Variants in ENAM observed in about 807,000 individuals in gnomAD.
The protein encoded by ENAM is amelogenesis imperfecta 2, hypocalcification (autosomal dominant).
Under a neutral mutation model 33.6 loss-of-function variants are expected in ENAM, and 21 were observed. The observed-to-expected ratio is 0.63, with a 90% confidence interval of 0.44 to 0.90. The LOEUF (loss-of-function observed/expected upper bound fraction) is 0.90, where lower values mean the gene tolerates loss of function less well. Among genes scored for constraint, ENAM ranks in the 40% least tolerant of loss-of-function variants. The pLI is 0.00. For missense variants in ENAM, 1,388 were observed against 1,366.9 expected, an observed-to-expected ratio of 1.02 and a Z score of -0.24; for synonymous variants, 473 against 468.4, an observed-to-expected ratio of 1.01 and a Z score of -0.13.
Position 70,644,340 on chromosome 4 carries a change from T to C in ENAM, c.2914T>C (p.Phe972Leu). 1.9e-6 allele frequency: 3 copies of C among 1,614,226 alleles called. No individual in the cohort carries two copies. Among genetic ancestry groups the C allele is most frequent in the African/African-American group, 1.3e-5 (1 of 75,070 alleles). ...ACTGGGCCAAAAGGAAATTATGCCC[T>C]TTCCTGAAGCCAGTTCCCTTCAATC... ...NQLGQKEIMPFPEASSLQSKN... is the reference protein window; with the variant it reads ...NQLGQKEIMPLPEASSLQSKN... Residue 972 changes from phenylalanine (F) to leucine (L), a missense_variant, in exon 9 of 9, where the codon TTT becomes CTT. Transcript: ENST00000396073.
rs758746093 is a variant in ENAM at position 70,643,938 on chromosome 4, A to T, written c.2512A>T (p.Met838Leu). The change falls in exon 9 of 9, where the codon ATG becomes TTG. Residue 838 changes from methionine (M) to leucine (L), a missense_variant. Coordinates refer to ENST00000396073, the MANE Select transcript of ENAM (RefSeq NM_031889.3). Reference sequence around the variant, plus strand: ...GAACTATGGCATGCAAATAACTAGGATGAATTCTCCAGAGAGAGAACATTC... The same window carrying T: ...GAACTATGGCATGCAAATAACTAGGTTGAATTCTCCAGAGAGAGAACATTC... Reference protein sequence around the residue: ...NLNYGMQITRMNSPEREHSSF... With the variant: ...NLNYGMQITRLNSPEREHSSF... 3 of 1,614,182 alleles carry T rather than the reference A, an allele frequency of 1.9e-6. No individual in the cohort carries two copies. The highest frequency in any genetic ancestry group is 2.5e-6 in the Non-Finnish European group (3 of 1,180,010).
rs141880419 is a variant in ENAM, at chr4:70,644,455, G to T, written c.3029G>T (p.Arg1010Ile). The T allele has an allele frequency of 9.3e-6, 15 of 1,614,130 alleles. No individual in the cohort carries two copies. Among genetic ancestry groups the T allele is most frequent in the Non-Finnish European group, 1.2e-5 (14 of 1,180,020 alleles). ...TTTGAAGACAACCAGCTCAATGAAA[G>T]AACTGTTGACCTTACTCCTGAGCAG... ...QVFEDNQLNE[R>I]TVDLTPEQLV... The change falls in exon 9 of 9, where the codon AGA (arginine) becomes ATA (isoleucine). Residue 1010 changes from arginine to isoleucine, a missense_variant. Physicochemically the swap from Arg to Ile is moderately conservative, Grantham distance 97. Transcript: ENST00000396073.
In ENAM at chr4:70,643,988, A is replaced by G. The variant is rs373650786; in HGVS notation, c.2562A>G (p.Pro854=). ...CATCTTTCCCTAACTTCATCCCACC[A>G]AGTTACCCATCAGGTCAAAAAGAAG... ...EHSSFPNFIP[P]SYPSGQKEAH... is the part of the protein sequence containing the mutation. Residue 854 remains proline (P), a synonymous_variant, in exon 9 of 9, where the codon CCA becomes CCG. Transcript: ENST00000396073. 52 of 1,614,036 alleles carry G rather than the reference A, an allele frequency of 3.2e-5. No individual in the cohort carries two copies. In the African/African-American group the frequency reaches 6.4e-4, roughly 20 times the overall value.
rs774335354 is a variant in ENAM at position 70,643,073 on chromosome 4, T to C, written c.1647T>C (p.Pro549=). The change falls in exon 9 of 9, where the codon CCT becomes CCC. Residue 549 remains proline, a synonymous_variant. Coordinates refer to ENST00000396073, the MANE Select transcript of ENAM (RefSeq NM_031889.3). ...GCTCATATCAGCCTGCTGTATACCC[T>C]GAGGAAATCCCTTCTCCTGCAAAAG... ...KHSSYQPAVY[P]EEIPSPAKEH... The C allele has an allele frequency of 6.2e-7, 1 of 1,614,034 alleles. No homozygotes were observed. The highest frequency in any genetic ancestry group is 8.5e-7 in the Non-Finnish European group (1 of 1,179,970).
chr4:70,635,549 T>A (rs1738429412), intron 6 of ENAM, among the ~76,000 whole-genome samples: 1 of 152,172 alleles, frequency 6.6e-6, no homozygotes, highest in Non-Finnish European at 1.5e-5. Flanking sequence ...TCTCTGAACT[T>A]CATGGTCTTA....
In ENAM at chr4:70,644,221, A is replaced by C. The variant is rs1738694990; in HGVS notation, c.2795A>C (p.Gln932Pro). The C allele has an allele frequency of 1.2e-6, 2 of 1,614,210 alleles. No homozygotes were observed. The highest frequency in any genetic ancestry group is 1.7e-6 in the Non-Finnish European group (2 of 1,180,022). The change falls in exon 9 of 9, where the codon CAA (glutamine) becomes CCA (proline). Residue 932 changes from glutamine to proline, a missense_variant. Physicochemically the swap from Gln to Pro is moderately conservative, Grantham distance 76. Transcript: ENST00000396073. The part of the protein sequence containing the change: ...IISPTSILPG[Q>P]RNSSEKRESQ... The stretch of plus-strand genomic sequence containing the variant: ...TCCCCAACAAGCATCCTACCAGGCC[A>C]AAGAAACAGCTCAGAGAAGAGGGAA...
At chr4:70,629,402 C>T in intron 1 of ENAM, 39 bp from the exon 2 acceptor site, 3 of 888,592 alleles carry the variant, frequency 3.4e-6, no homozygotes, top group Non-Finnish European at 5.8e-6. Flanking sequence ...TGAAGCTTTG[C>T]TATTCATTTC....
chr4:70,644,969 C>G lies in ENAM; in HGVS notation c.*114C>G. ...TAAGTGTCTGACTGTCTTGGTGATCCTTAAGTTTTCTCCCCTCTCAGCAAT... is the reference window on the plus strand; with the variant it reads ...TAAGTGTCTGACTGTCTTGGTGATCGTTAAGTTTTCTCCCCTCTCAGCAAT... On this transcript the variant is annotated 3_prime_UTR_variant, in exon 9 of 9. Coordinates refer to ENST00000396073, the MANE Select transcript of ENAM (RefSeq NM_031889.3). 1 of 875,548 alleles carries G rather than the reference C, an allele frequency of 1.1e-6. No homozygotes were observed. Among genetic ancestry groups the G allele is most frequent in the Non-Finnish European group, 1.9e-6 (1 of 534,916 alleles). The allele number at this position is 875,548 out of a possible 1,614,324, so 54.2% of individuals were successfully genotyped here.
In ENAM at chr4:70,644,460, G is replaced by A. The variant is rs1738702224; in HGVS notation, c.3034G>A (p.Val1012Ile). 6.2e-7 allele frequency: 1 copy of A among 1,613,980 alleles called. No individual in the cohort carries two copies. Among genetic ancestry groups the A allele is most frequent in the Admixed American group, 1.7e-5 (1 of 59,988 alleles). Residue 1012 changes from valine (V) to isoleucine (I), a missense_variant, in exon 9 of 9, where the codon GTT becomes ATT. Transcript: ENST00000396073. ...AGACAACCAGCTCAATGAAAGAACTGTTGACCTTACTCCTGAGCAGCTTGT... is the reference window on the plus strand; with the variant it reads ...AGACAACCAGCTCAATGAAAGAACTATTGACCTTACTCCTGAGCAGCTTGT... ...FEDNQLNERT[V>I]DLTPEQLVIG... is the part of the protein sequence containing the mutation.
intron 4 of ENAM, among the ~76,000 whole-genome samples, chr4:70,632,354 CA>C (rs943154557): frequency 2.6e-5 from 4 of 152,168 alleles, no homozygotes; most frequent in African/African-American, 9.6e-5. Context: ...ACAGAACATT[CA>C]AAAACTTTAC....
intron 8 of ENAM, among the ~76,000 whole-genome samples, chr4:70,638,347 C>T (rs974253236): frequency 6.6e-6 from 1 of 151,948 alleles, no homozygotes; most frequent in African/African-American, 2.4e-5. Context: ...GCATAGCACC[C>T]CACCCCCCTG....
Position 70,635,874 on chromosome 4 carries a change from C to A in ENAM, c.514C>A (p.Pro172Thr). Reference sequence around the variant, plus strand: ...AAATGGGCTATTCCCCTATCAACAACCACCATGGCAAATTCCACAGGTGAG... The same window carrying A: ...AAATGGGCTATTCCCCTATCAACAAACACCATGGCAAATTCCACAGGTGAG... ...FGNGLFPYQQ[P>T]PWQIPQRLPP... The change falls in exon 7 of 9, where the codon CCA becomes ACA. Residue 172 changes from proline (P) to threonine (T), a missense_variant. Physicochemically the swap from Pro to Thr is conservative, Grantham distance 38 (BLOSUM62 -1). Transcript: ENST00000396073. 1 of 1,607,136 alleles carries A rather than the reference C, an allele frequency of 6.2e-7. No individual in the cohort carries two copies. Among genetic ancestry groups the A allele is most frequent in the Non-Finnish European group, 8.5e-7 (1 of 1,174,668 alleles).
chr4:70,638,464 T>C (rs1738515483), intron 8 of ENAM, among the ~76,000 whole-genome samples: 1 of 139,940 alleles, frequency 7.1e-6, no homozygotes, highest in African/African-American at 2.8e-5. Context: ...TTTTTTTTTT[T>C]TTTTTTTTTT....
At position 70,644,824 on chromosome 4, in the gene ENAM, A is replaced by G; in HGVS notation, c.3398A>G (p.Gln1133Arg). 2 of 1,614,080 alleles carry G rather than the reference A, an allele frequency of 1.2e-6. No homozygotes were observed. Among genetic ancestry groups the G allele is most frequent in the Non-Finnish European group, 8.5e-7 (1 of 1,179,918 alleles). The change falls in exon 9 of 9, where the codon CAG becomes CGG. Residue 1133 changes from glutamine (Q) to arginine (R), a missense_variant. Gln to Arg is a conservative substitution (Grantham distance 43). Coordinates refer to ENST00000396073, the MANE Select transcript of ENAM (RefSeq NM_031889.3). The part of the protein sequence containing the change: ...FLQRGTNVQD[Q>R]VQDCLLLQA ...CAAAGAGGGACCAATGTACAGGACC[A>G]GGTACAAGACTGCTTACTACTTCAG...
chr4:70,645,904 G>A lies in ENAM; in HGVS notation c.*1049G>A, dbSNP rs796783722. 5 of 152,360 alleles carry A rather than the reference G, an allele frequency of 3.3e-5. 1 individual carries two copies. The highest frequency in any genetic ancestry group is 1.2e-4 in the African/African-American group (5 of 41,586). The allele number at this position is 152,360 out of a possible 1,614,324, so 9.4% of individuals were successfully genotyped here. Reference sequence around the variant, plus strand: ...GCAGCCTAGGGAAAAGGCTTAGGAAGATGGAGAATGAGGAACTGAAGAAAC... The same window carrying A: ...GCAGCCTAGGGAAAAGGCTTAGGAAAATGGAGAATGAGGAACTGAAGAAAC... On this transcript the variant is annotated 3_prime_UTR_variant, in exon 9 of 9. Coordinates refer to ENST00000396073, the MANE Select transcript of ENAM (RefSeq NM_031889.3).
At position 70,631,933 on chromosome 4, in the gene ENAM, C is replaced by T. The variant is rs567870626; in HGVS notation, c.168+40C>T. The T allele has an allele frequency of 2.6e-6, 4 of 1,512,094 alleles. No individual in the cohort carries two copies. In the African/African-American group the frequency reaches 4.1e-5, roughly 16 times the overall value. 93.7% of individuals were successfully genotyped at this position (1,512,094 alleles called of 1,614,324 possible). A position where few individuals can be genotyped will look rare whatever the true frequency, so the allele number is the denominator to read the frequency against. ...TCTCAGAGGAGAAGTTATCCAGAGTCCTATCCTACACATTTACTAAAAAGG... is the reference window on the plus strand; with the variant it reads ...TCTCAGAGGAGAAGTTATCCAGAGTTCTATCCTACACATTTACTAAAAAGG... On this transcript the variant is annotated intron_variant, in intron 4 of 8. Transcript: ENST00000396073.
In ENAM at chr4:70,631,845, C is replaced by T. The variant is rs1173861366; in HGVS notation, c.124-4C>T. On this transcript the variant is annotated splice_region_variant and splice_polypyrimidine_tract_variant and intron_variant, in intron 3 of 8. Coordinates refer to ENST00000396073, the MANE Select transcript of ENAM (RefSeq NM_031889.3). ...ATTTGTCACTGACATTCTCTTACTT[C>T]CAGATGCACATGCCCCGAATGCCTG... The T allele has an allele frequency of 6.2e-7, 1 of 1,613,902 alleles. No homozygotes were observed. The highest frequency in any genetic ancestry group is 1.1e-5 in the South Asian group (1 of 91,082).
At position 70,643,660 on chromosome 4, in the gene ENAM, GC is replaced by G; in HGVS notation, c.2235del (p.Tyr746ThrfsTer84). The G allele has an allele frequency of 6.2e-7, 1 of 1,614,084 alleles. No homozygotes were observed. The highest frequency in any genetic ancestry group is 8.5e-7 in the Non-Finnish European group (1 of 1,179,988). On this transcript the variant is annotated frameshift_variant, in exon 9 of 9. Coordinates refer to ENST00000396073, the MANE Select transcript of ENAM (RefSeq NM_031889.3). LOFTEE classifies it low-confidence loss of function (END_TRUNC). ...ATGCCACCACCTATAGAGAGCAGGGGCTACTACGTTAATAATGCCGCTGGAC... is the reference window on the plus strand; with the variant it reads ...ATGCCACCACCTATAGAGAGCAGGGGTACTACGTTAATAATGCCGCTGGAC... ...STMPPPIESR[G>X]YYVNNAAGPE...
Position 70,629,462 on chromosome 4 carries a change from T to C in ENAM, c.-39T>C. On this transcript the variant is annotated 5_prime_UTR_variant, in exon 2 of 9. Transcript: ENST00000396073. ...TTAGTTTCTTCTCAGGTTAAAGCTG[T>C]ATTTTTCTTAAAGGCTTATAAAAAT... The C allele has an allele frequency of 1.3e-6, 2 of 1,507,032 alleles. No individual in the cohort carries two copies. Among genetic ancestry groups the C allele is most frequent in the East Asian group, 2.3e-5 (1 of 44,318 alleles). The allele number at this position is 1,507,032 out of a possible 1,614,324, so 93.4% of individuals were successfully genotyped here. A position where few individuals can be genotyped will look rare whatever the true frequency, so the allele number is the denominator to read the frequency against.
Sources: allele counts gnomAD v4.1 joint callset (sites outside exome capture counted in the v4.1 genomes callset), GRCh38; gene constraint gnomAD v4.1.1; transcripts MANE v1.5; gene names NCBI Gene and HGNC (gene_info 2026-07-23, HGNC 2026-07-21).